Variants in CTNNA3 observed in about 807,000 individuals in gnomAD.
CTNNA3 encodes the protein catenin alpha-3.
A neutral mutation model predicts 95.7 loss-of-function variants in CTNNA3; 76 were observed. That is an observed-to-expected ratio of 0.79 (90% CI 0.66 to 0.96). The LOEUF is 0.96. CTNNA3 is among the 40% of genes least tolerant of loss of function. The probability of loss-of-function intolerance (pLI) is 0.00; values close to 1 mark genes in which losing one functional copy is unlikely to be tolerated. For missense variants in CTNNA3, 1,191 were observed against 1,089.8 expected (o/e 1.09, Z -1.31); for synonymous variants, 431 against 374.4 (o/e 1.15, Z -1.74).
intron 14 of CTNNA3, among the ~76,000 whole-genome samples, chr10:66,097,579 G>C (rs1053665115): frequency 6.6e-6 from 1 of 152,068 alleles, no homozygotes; most frequent in Non-Finnish European, 1.5e-5. Flanking sequence ...TTGAGTCAAG[G>C]TTTATGTGAC....
intron 3 of CTNNA3, among the ~76,000 whole-genome samples, chr10:67,575,744 G>C (rs1055326318): frequency 6.6e-6 from 1 of 152,130 alleles, no homozygotes; most frequent in Non-Finnish European, 1.5e-5. Context: ...TTCTCTTCTT[G>C]TTTTCATCTG....
intron 3 of CTNNA3, among the ~76,000 whole-genome samples, chr10:67,567,651 A>G (rs1389562683): frequency 1.3e-5 from 2 of 152,114 alleles, no homozygotes; most frequent in Admixed American, 6.6e-5. Flanking sequence ...TCTAATGTCT[A>G]TAGCCTCGGT....
chr10:67,396,076 A>C (rs541104105), intron 5 of CTNNA3, among the ~76,000 whole-genome samples: 1 of 152,308 alleles, frequency 6.6e-6, no homozygotes, highest in Non-Finnish European at 1.5e-5. Flanking sequence ...TGAAAATTTT[A>C]AATGACATAA....
intron 7 of CTNNA3, among the ~76,000 whole-genome samples, chr10:66,979,763 T>C (rs890309117): frequency 2.0e-5 from 3 of 152,204 alleles, no homozygotes; most frequent in African/African-American, 7.2e-5. Context: ...ACTATCATAA[T>C]AGAACTACAG....
At chr10:67,152,449 T>A (rs966132626) in intron 7 of CTNNA3, among the ~76,000 whole-genome samples, 3 of 152,180 alleles carry the variant, frequency 2.0e-5, no homozygotes, top group African/African-American at 7.2e-5. Context: ...TACATTACGT[T>A]TAGTGTCATA....
intron 10 of CTNNA3, among the ~76,000 whole-genome samples, chr10:66,575,270 A>G (rs1842973734): frequency 6.6e-6 from 1 of 151,984 alleles, no homozygotes; most frequent in Admixed American, 6.6e-5. Context: ...CAAACAAAAA[A>G]TGAGGCTCAA....
At chr10:66,375,446 G>A in intron 12 of CTNNA3, among the ~76,000 whole-genome samples, 1 of 151,994 alleles carries the variant, frequency 6.6e-6, no homozygotes, top group East Asian at 1.9e-4. Context: ...AACTCCACTG[G>A]CCACATAAAA....
chr10:67,372,448 TAA>T (rs941007142), intron 5 of CTNNA3, among the ~76,000 whole-genome samples: 1 of 152,116 alleles, frequency 6.6e-6, no homozygotes. Flanking sequence ...AAGAAACGAA[TAA>T]AGCCTCCAAG....
chr10:67,232,981 C>A lies in CTNNA3; in HGVS notation c.580-13111G>T, dbSNP rs538499682. ...GCTAACTATCCTAAATATATATGCA[C>A]CCAATACAGGAGCACCCAGATTCGT... On this transcript the variant is annotated intron_variant, in intron 5 of 17. Transcript: ENST00000433211. 2.0e-3 allele frequency among the ~76,000 whole-genome samples: 307 copies of A among 152,226 alleles called. 1 individual carries two copies. The highest frequency in any genetic ancestry group is 2.3e-3 in the Non-Finnish European group (159 of 68,026).
intron 13 of CTNNA3, among the ~76,000 whole-genome samples, chr10:66,210,073 G>A (rs991556874): frequency 2.6e-5 from 4 of 151,734 alleles, no homozygotes; most frequent in Admixed American, 2.0e-4. Context: ...AAAATGCATC[G>A]AACACACATA....
At chr10:66,537,389 C>A (rs1389136240) in intron 10 of CTNNA3, among the ~76,000 whole-genome samples, 1 of 152,008 alleles carries the variant, frequency 6.6e-6, no homozygotes, top group Admixed American at 6.6e-5. Flanking sequence ...TTACACAGAA[C>A]CCAGTCCATG....
intron 15 of CTNNA3, among the ~76,000 whole-genome samples, chr10:66,033,191 C>T (rs1401695158): frequency 1.9e-4 from 27 of 141,954 alleles, no homozygotes; most frequent in African/African-American, 5.5e-4. Flanking sequence ...AGTGCAGTGG[C>T]GCTATCTCGG....
chr10:65,932,033 G>A (rs1179133659), intron 17 of CTNNA3, among the ~76,000 whole-genome samples: 1 of 152,198 alleles, frequency 6.6e-6, no homozygotes, highest in Non-Finnish European at 1.5e-5. Flanking sequence ...TCAAGGTTAC[G>A]TGGATGACCA....
intron 7 of CTNNA3, among the ~76,000 whole-genome samples, chr10:66,921,456 C>A (rs967133777): frequency 6.6e-6 from 1 of 152,178 alleles, no homozygotes; most frequent in Non-Finnish European, 1.5e-5. Context: ...ATAATAAAGC[C>A]AGTATTCTTA....
intron 5 of CTNNA3, among the ~76,000 whole-genome samples, chr10:67,231,095 G>C (rs1865179287): frequency 6.6e-6 from 1 of 152,182 alleles, no homozygotes; most frequent in Admixed American, 6.5e-5. Context: ...GCGAGGCTGG[G>C]GGAGGGGCGC....
chr10:66,427,054 G>A (rs542269160), intron 11 of CTNNA3, among the ~76,000 whole-genome samples: 1 of 151,416 alleles, frequency 6.6e-6, no homozygotes, highest in African/African-American at 2.4e-5. Context: ...TTCTCTCAAA[G>A]GCCCTTTTGT....
At chr10:67,272,896 A>G (rs1194263373) in intron 5 of CTNNA3, among the ~76,000 whole-genome samples, 1 of 152,154 alleles carries the variant, frequency 6.6e-6, no homozygotes, top group Non-Finnish European at 1.5e-5. Context: ...ACTACTTGAT[A>G]AATAATTATT....
At chr10:66,919,787 C>T (rs1298390864) in intron 7 of CTNNA3, among the ~76,000 whole-genome samples, 1 of 152,072 alleles carries the variant, frequency 6.6e-6, no homozygotes, top group Non-Finnish European at 1.5e-5. Flanking sequence ...GATATAATTA[C>T]AAATGTAGAC....
intron 13 of CTNNA3, among the ~76,000 whole-genome samples, chr10:66,213,818 G>T (rs529913916): frequency 1.3e-5 from 2 of 152,274 alleles, no homozygotes; most frequent in Admixed American, 6.5e-5. Context: ...GTAGGCTACT[G>T]CTTTGCAAAG....
Sources: gnomAD v4.1 joint callset for allele counts (sites outside exome capture counted in the v4.1 genomes callset) on GRCh38, gnomAD v4.1.1 for gene constraint, MANE v1.5 for transcripts, NCBI Gene and HGNC (gene_info 2026-07-23, HGNC 2026-07-21) for gene names.